Variants in TMEM268 observed in about 807,000 individuals in gnomAD.
TMEM268 encodes the protein transmembrane protein 268.
TMEM268 carries 24 observed loss-of-function variants against 39.1 expected under a neutral mutation model. The observed-to-expected ratio is 0.61, with a 90% CI of 0.44 to 0.86. The LOEUF (loss-of-function observed/expected upper bound fraction) is 0.86. Among genes scored for constraint, TMEM268 ranks in the 40% least tolerant of loss-of-function variants. TMEM268 has a pLI of 0.00. For synonymous variants in TMEM268, 176 were observed against 173.5 expected, an observed-to-expected ratio of 1.01 and a Z score of -0.12; for missense variants, 409 against 428.6, an observed-to-expected ratio of 0.95 and a Z score of 0.40.
At chr9:114,628,284 C>A in intron 5 of TMEM268, 34 bp downstream of exon 5, 1 of 1,607,122 alleles carries the variant, frequency 6.2e-7, no homozygotes, top group South Asian at 1.1e-5. Context: ...CACACTCTCT[C>A]CAGAAGAGCG....
At position 114,642,192 on chromosome 9, in the gene TMEM268, C is replaced by T. The variant is rs539561148; in HGVS notation, c.850-942C>T. On this transcript the variant is annotated intron_variant, in intron 8 of 8. Coordinates refer to ENST00000288502, the MANE Select transcript of TMEM268 (RefSeq NM_153045.4). ...TCATTAAACACTAACTTCCCCTTCCCTCCTTCCTCCCCACCCTCAACCCCT... is the reference window on the plus strand; with the variant it reads ...TCATTAAACACTAACTTCCCCTTCCTTCCTTCCTCCCCACCCTCAACCCCT... Among the ~76,000 whole-genome samples the T allele has an allele frequency of 2.5e-4, 38 of 152,248 alleles. 1 individual carries two copies. The highest frequency in any genetic ancestry group is 7.0e-4 in the African/African-American group (29 of 41,530).
chr9:114,630,481 A>G (rs574025134), intron 5 of TMEM268, among the ~76,000 whole-genome samples: 21 of 152,258 alleles, frequency 1.4e-4, no homozygotes, highest in African/African-American at 4.6e-4. Flanking sequence ...ATGAGCACCT[A>G]TTGTATGCTG....
intron 5 of TMEM268, among the ~76,000 whole-genome samples, chr9:114,630,106 G>A (rs990114094): frequency 2.6e-5 from 4 of 152,194 alleles, no homozygotes; most frequent in Admixed American, 1.3e-4. Flanking sequence ...GGGAATGCCT[G>A]CTTTGGCTCT....
At position 114,626,925 on chromosome 9, in the gene TMEM268, G is replaced by C; in HGVS notation, c.243G>C (p.Leu81Phe). ...IQVPADQYRS[L>F]AESALLEPQV... Reference sequence around the variant, plus strand: ...TCCCGGCTGACCAGTACAGGAGCTTGGCTGAGAGTGCCCTCTTGGAGCCCC... The same window carrying C: ...TCCCGGCTGACCAGTACAGGAGCTTCGCTGAGAGTGCCCTCTTGGAGCCCC... Residue 81 changes from leucine (L) to phenylalanine (F), a missense_variant, in exon 4 of 9, where the codon TTG (leucine) becomes TTC (phenylalanine). Physicochemically the swap from Leu to Phe is conservative, Grantham distance 22. Transcript: ENST00000288502. The C allele has an allele frequency of 1.2e-6, 2 of 1,613,686 alleles. No homozygotes were observed. Among genetic ancestry groups the C allele is most frequent in the Non-Finnish European group, 1.7e-6 (2 of 1,179,622 alleles).
Position 114,626,937 on chromosome 9 carries a change from C to T in TMEM268, c.255C>T (p.Ala85=), listed in dbSNP as rs754963234. The T allele has an allele frequency of 3.1e-5, 50 of 1,613,640 alleles. No homozygotes were observed. In the South Asian group the frequency reaches 5.3e-4, roughly 17 times the overall value. Residue 85 remains alanine (A), a synonymous_variant, in exon 4 of 9, where the codon GCC becomes GCT. Transcript: ENST00000288502. Reference sequence around the variant, plus strand: ...AGTACAGGAGCTTGGCTGAGAGTGCCCTCTTGGAGCCCCAAGTGAGAAGAT... The same window carrying T: ...AGTACAGGAGCTTGGCTGAGAGTGCTCTCTTGGAGCCCCAAGTGAGAAGAT... ...ADQYRSLAES[A]LLEPQVRRYI...
intron 8 of TMEM268, among the ~76,000 whole-genome samples, chr9:114,641,658 C>T (rs34202085): frequency 0.18 from 26,578 of 150,432 alleles, 2,484 homozygotes; most frequent in South Asian, 0.29. Context: ...TTTTTTGAAA[C>T]GGAGTTTTGC....
At chr9:114,606,514 A>G (rs1006423836), upstream of TMEM268, among the ~76,000 whole-genome samples, 1 of 152,258 alleles carries the variant, frequency 6.6e-6, no homozygotes, top group Non-Finnish European at 1.5e-5. Flanking sequence ...TGTGGGACAC[A>G]CTTTCGGAAA....
intron 8 of TMEM268, among the ~76,000 whole-genome samples, chr9:114,641,627 T>A (rs1827341402): frequency 1.3e-5 from 2 of 149,486 alleles, no homozygotes; most frequent in Non-Finnish European, 3.0e-5. Flanking sequence ...CTGAGCAACA[T>A]AGTAAGATCA....
Position 114,628,280 on chromosome 9 carries a change from C to CT in TMEM268, c.474+31dup, listed in dbSNP as rs147884610. 21,391 of 1,610,904 alleles carry CT rather than the reference C, an allele frequency of 0.013. 2,209 individuals are homozygous for CT. The African/African-American group carries it at 0.24, about 18-fold the overall frequency. On this transcript the variant is annotated intron_variant, in intron 5 of 8. Coordinates refer to ENST00000288502, the MANE Select transcript of TMEM268 (RefSeq NM_153045.4). ...GATGTCTGGAGATCCCTGCCACACT[C>CT]TCTCCAGAAGAGCGGTGCAGGCGTG...
intron 6 of TMEM268, among the ~76,000 whole-genome samples, chr9:114,636,201 T>C (rs1341337031): frequency 6.6e-6 from 1 of 152,154 alleles, no homozygotes; most frequent in African/African-American, 2.4e-5. Flanking sequence ...TGGTTAAATT[T>C]AGCTTGGCCG....
chr9:114,615,775 C>T (rs553251686), intron 1 of TMEM268, among the ~76,000 whole-genome samples: 5 of 151,940 alleles, frequency 3.3e-5, no homozygotes, highest in African/African-American at 7.2e-5. Flanking sequence ...CTGCAACCTC[C>T]GCCTCCCAGG....
At chr9:114,619,485 A>G (rs1442799049) in intron 2 of TMEM268, among the ~76,000 whole-genome samples, 2 of 152,236 alleles carry the variant, frequency 1.3e-5, no homozygotes. Flanking sequence ...ATCCTGAAGG[A>G]TCTTTGCATT....
In TMEM268 at chr9:114,643,221, C is replaced by G; in HGVS notation, c.937C>G (p.Arg313Gly). ...TSQLPQAMGT[R>G]HTNSPRIPCP... ...CCAGCTCCCTCAGGCAATGGGGACA[C>G]GACACACGAACTCTCCGAGAATTCC... is the stretch of plus-strand genomic sequence containing the variant. The change falls in exon 9 of 9, where the codon CGA becomes GGA. Residue 313 changes from arginine (R) to glycine (G), a missense_variant. Physicochemically the swap from Arg to Gly is moderately radical, Grantham distance 125. Transcript: ENST00000288502. The G allele has an allele frequency of 1.2e-6, 2 of 1,614,138 alleles. No individual in the cohort carries two copies. The highest frequency in any genetic ancestry group is 1.7e-6 in the Non-Finnish European group (2 of 1,179,978).
upstream of TMEM268, among the ~76,000 whole-genome samples, chr9:114,608,739 G>T (rs1470957689): frequency 2.6e-5 from 4 of 152,172 alleles, no homozygotes; most frequent in African/African-American, 7.2e-5. Flanking sequence ...ATAGGGACCT[G>T]GTGTGTATTG....
intron 3 of TMEM268, 93 bp from the exon 4 acceptor site, chr9:114,626,806 A>G: frequency 1.1e-6 from 1 of 896,056 alleles, no homozygotes; most frequent in Non-Finnish European, 1.8e-6. Context: ...GACAGCCCAG[A>G]ATGTGCCTAA....
chr9:114,619,349 T>C (rs1313238514), intron 2 of TMEM268, among the ~76,000 whole-genome samples: 1 of 152,142 alleles, frequency 6.6e-6, no homozygotes, highest in Non-Finnish European at 1.5e-5. Context: ...TTGGTAGCTT[T>C]ACTTAGCCTA....
chr9:114,621,833 A>G (rs2133622026), intron 2 of TMEM268, among the ~76,000 whole-genome samples: 1 of 152,318 alleles, frequency 6.6e-6, no homozygotes, highest in East Asian at 1.9e-4. Flanking sequence ...GAGGGGCTCA[A>G]GCTGAGTCTG....
rs368743512 is a variant in TMEM268, at chr9:114,627,025, G to T, written c.324+19G>T. 6.5e-7 allele frequency: 1 copy of T among 1,534,008 alleles called. No individual in the cohort carries two copies. The highest frequency in any genetic ancestry group is 9.0e-7 in the Non-Finnish European group (1 of 1,108,596). ...TGCTGTGGTAAGGGGGAGGTGGCCC[G>T]CACACTGACCCTGCCCTGACAGCTT... is the stretch of plus-strand genomic sequence containing the variant. On this transcript the variant is annotated intron_variant, in intron 4 of 8. Coordinates refer to ENST00000288502, the MANE Select transcript of TMEM268 (RefSeq NM_153045.4).
chr9:114,609,702 AAAAAG>A (rs1845417882), upstream of TMEM268, among the ~76,000 whole-genome samples: 1 of 137,240 alleles, frequency 7.3e-6, no homozygotes, highest in African/African-American at 3.0e-5. Context: ...AAAGAAAAAG[AAAAAG>A]AAAAAGAAAA....
Sources: gnomAD v4.1 joint callset for allele counts (sites outside exome capture counted in the v4.1 genomes callset) on GRCh38, gnomAD v4.1.1 for gene constraint, MANE v1.5 for transcripts, NCBI Gene and HGNC (gene_info 2026-07-23, HGNC 2026-07-21) for gene names.